RNF207: variants seen among roughly 807,000 people sequenced by gnomAD.
RNF207 encodes OTTHUMG00000001089.
A neutral mutation model predicts 79.0 loss-of-function variants in RNF207; 72 were observed. The observed-to-expected ratio is 0.91, with a 90% CI of 0.75 to 1.11. RNF207 has a LOEUF of 1.11. Ranked by LOEUF, RNF207 falls within the 50% of genes least tolerant of loss-of-function variation. The pLI, the probability that RNF207 is intolerant of heterozygous loss-of-function variation, is 0.00. For missense variants in RNF207, 936 were observed against 855.8 expected, an observed-to-expected ratio of 1.09 and a Z score of -1.17; for synonymous variants, 348 against 366.2, an observed-to-expected ratio of 0.95 and a Z score of 0.57.
At chr1:6,218,426 A>G (rs1444546684) in intron 17 of RNF207, 57 bp downstream of exon 17, 2 of 1,275,280 alleles carry the variant, frequency 1.6e-6, no homozygotes, top group African/African-American at 1.5e-5. Flanking sequence ...TGAGGCCAAC[A>G]GGACGACAAA....
Position 6,207,872 on chromosome 1 carries a change from G to A in RNF207, c.324+361G>A, listed in dbSNP as rs1267077880. On this transcript the variant is annotated intron_variant, in intron 3 of 17. Transcript: ENST00000377939. The surrounding 1 kb of genome is among the most constrained non-coding windows in gnomAD (Gnocchi z 4.5). The stretch of plus-strand genomic sequence containing the variant: ...CTGCTACCCAAGTGGCATAGAAGCA[G>A]CTACAGCCCAGGGGAGGTGGGGACA... 4 of 438,198 alleles carry A rather than the reference G, an allele frequency of 9.1e-6. No homozygotes were observed. Among genetic ancestry groups the A allele is most frequent in the Admixed American group, 2.9e-5 (1 of 34,364 alleles). 27.1% of individuals were successfully genotyped at this position (438,198 alleles called of 1,614,324 possible).
Position 6,207,325 on chromosome 1 carries a change from T to C in RNF207, c.192-54T>C. The C allele has an allele frequency of 2.0e-6, 3 of 1,482,800 alleles. No individual in the cohort carries two copies. The highest frequency in any genetic ancestry group is 1.4e-5 in the South Asian group (1 of 71,676). 91.9% of individuals were successfully genotyped at this position (1,482,800 alleles called of 1,614,324 possible). On this transcript the variant is annotated intron_variant, in intron 2 of 17. Coordinates refer to ENST00000377939, the MANE Select transcript of RNF207 (RefSeq NM_207396.3). This position sits in a 1 kb window ranked among gnomAD's most constrained non-coding sequence, Gnocchi z 4.5. ...CAGCCTGGAATGTGAGGGGTGGGGG[T>C]GGGGAGCCCTGGGGAAGGGGTATCA...
At position 6,207,903 on chromosome 1, in the gene RNF207, C is replaced by CTGT. The variant is rs1421483367; in HGVS notation, c.324+394_324+396dup. ...GCCCAGGGGAGGTGGGGACAGCATG[C>CTGT]TGTTCCCTCTGGGCTGTAAAAGGCA... On this transcript the variant is annotated intron_variant, in intron 3 of 17. Coordinates refer to ENST00000377939, the MANE Select transcript of RNF207 (RefSeq NM_207396.3). The surrounding 1 kb of genome is among the most constrained non-coding windows in gnomAD (Gnocchi z 4.5). 2.6e-6 allele frequency: 1 copy of CTGT among 383,832 alleles called. No homozygotes were observed. The highest frequency in any genetic ancestry group is 2.0e-5 in the South Asian group (1 of 49,312). The allele number at this position is 383,832 out of a possible 1,614,324, so 23.8% of individuals were successfully genotyped here.
At chr1:6,208,830 C>T (rs1668021288) in intron 3 of RNF207, 51 bp from the exon 4 acceptor site, 2 of 1,486,394 alleles carry the variant, frequency 1.3e-6, no homozygotes, top group Non-Finnish European at 1.8e-6. Context: ...GCGGTTCCCG[C>T]GCTGGCCGCG....
chr1:6,218,751 C>T lies in RNF207; in HGVS notation c.1733+382C>T, dbSNP rs539818502. ...CGCCCCAGTACCTGCCAGAGGAAGACGGCTGTGCATTAACACCTACGACAC... is the reference window on the plus strand; with the variant it reads ...CGCCCCAGTACCTGCCAGAGGAAGATGGCTGTGCATTAACACCTACGACAC... On this transcript the variant is annotated intron_variant, in intron 17 of 17. Coordinates refer to ENST00000377939, the MANE Select transcript of RNF207 (RefSeq NM_207396.3). 5.9e-5 allele frequency among the ~76,000 whole-genome samples: 9 copies of T among 152,292 alleles called. No homozygotes were observed. The South Asian group carries it at 1.2e-3, about 21-fold the overall frequency.
In RNF207 at chr1:6,220,487, A is replaced by G. The variant is rs1334093970; in HGVS notation, c.*1080A>G. On this transcript the variant is annotated 3_prime_UTR_variant, in exon 18 of 18. Transcript: ENST00000377939. ...CACTGTTAACCTGGTGCTACTGGGA[A>G]GTTCCACACAGTAATCTGAGCAGTG... 6.6e-6 allele frequency: 1 copy of G among 152,248 alleles called. No homozygotes were observed. Among genetic ancestry groups the G allele is most frequent in the Non-Finnish European group, 1.5e-5 (1 of 68,042 alleles). The allele number at this position is 152,248 out of a possible 1,614,324, so 9.4% of individuals were successfully genotyped here.
Position 6,207,191 on chromosome 1 carries a change from G to A in RNF207, c.192-188G>A, listed in dbSNP as rs1348661373. ...ACCCCACTGTCTGCAGGAGTGCCCA[G>A]GACTGGGCAAGGGTAGGGACCAGGG... On this transcript the variant is annotated intron_variant, in intron 2 of 17. Coordinates refer to ENST00000377939, the MANE Select transcript of RNF207 (RefSeq NM_207396.3). This position sits in a 1 kb window ranked among gnomAD's most constrained non-coding sequence, Gnocchi z 4.5. Among the ~76,000 whole-genome samples the A allele has an allele frequency of 6.6e-6, 1 of 152,198 alleles. No homozygotes were observed. Among genetic ancestry groups the A allele is most frequent in the Non-Finnish European group, 1.5e-5 (1 of 68,030 alleles).
intron 3 of RNF207, 28 bp from the exon 4 acceptor site, chr1:6,208,853 C>A (rs770964572): frequency 2.0e-6 from 3 of 1,517,002 alleles, no homozygotes; most frequent in Admixed American, 4.1e-5. Context: ...CGGGCTCTGG[C>A]GCTCCTGAGC....
Position 6,210,656 on chromosome 1 carries a change from G to A in RNF207, c.943-214G>A, listed in dbSNP as rs984484032. 3.3e-5 allele frequency: 21 copies of A among 637,248 alleles called. No homozygotes were observed. The African/African-American group carries it at 3.6e-4, about 11-fold the overall frequency. The allele number at this position is 637,248 out of a possible 1,614,324, so 39.5% of individuals were successfully genotyped here. ...GGGGCATGAGCCTACAGTCCCCCGT[G>A]GGGCGGAGTGACCACTGGAGTCCAG... On this transcript the variant is annotated intron_variant, in intron 10 of 17. Transcript: ENST00000377939.
intron 16 of RNF207, among the ~76,000 whole-genome samples, chr1:6,214,630 C>CTTTTTTTTTTTTTTTTTTTTTTTTT (rs144139448): frequency 1.4e-5 from 1 of 70,660 alleles, no homozygotes; most frequent in Non-Finnish European, 2.6e-5. Flanking sequence ...ATATTTCTTT[C>CTTTTTTTTTTTTTTTTTTTTTTTTT]TTTTTTTTTT....
At chr1:6,210,798 C>A in intron 10 of RNF207, 72 bp from the exon 11 acceptor site, 10 of 1,345,350 alleles carry the variant, frequency 7.4e-6, no homozygotes, top group Non-Finnish European at 1.0e-5. Flanking sequence ...ACGTGCTCCG[C>A]CTCCATCTCC....
intron 16 of RNF207, among the ~76,000 whole-genome samples, chr1:6,214,683 G>A (rs917397648): frequency 7.4e-6 from 1 of 134,352 alleles, no homozygotes; most frequent in South Asian, 2.3e-4. Context: ...TTACCAGGCT[G>A]GAGTGCAGTG....
At position 6,210,220 on chromosome 1, in the gene RNF207, C is replaced by T; in HGVS notation, c.801-3C>T. On this transcript the variant is annotated splice_region_variant and splice_polypyrimidine_tract_variant and intron_variant, in intron 8 of 17. Coordinates refer to ENST00000377939, the MANE Select transcript of RNF207 (RefSeq NM_207396.3). The stretch of plus-strand genomic sequence containing the variant: ...TGGAAACCAGGCAGCCCCCCTCCCC[C>T]AGCCAATACGAAGAGAAGGACAAGG... 6.2e-7 allele frequency: 1 copy of T among 1,613,082 alleles called. No homozygotes were observed. Among genetic ancestry groups the T allele is most frequent in the East Asian group, 2.2e-5 (1 of 44,880 alleles).
intron 16 of RNF207, among the ~76,000 whole-genome samples, chr1:6,215,029 T>G (rs1668314692): frequency 6.6e-6 from 1 of 150,636 alleles, no homozygotes. Flanking sequence ...TTCTGTCCTA[T>G]TTCCCTTTTT....
chr1:6,210,683 C>T (rs1036122903), intron 10 of RNF207, 187 bp from the exon 11 acceptor site: 6 of 660,570 alleles, frequency 9.1e-6, no homozygotes, highest in South Asian at 5.3e-5. Context: ...GGAGTCCAGC[C>T]GCCCCCTCTC....
chr1:6,211,238 C>G lies in RNF207; in HGVS notation c.1109+120C>G, dbSNP rs1184531016. On this transcript the variant is annotated intron_variant, in intron 12 of 17. Coordinates refer to ENST00000377939, the MANE Select transcript of RNF207 (RefSeq NM_207396.3). The surrounding 1 kb of genome is among the most constrained non-coding windows in gnomAD (Gnocchi z 4.2). ...AGGTGCCACCATTCCTTCCTCCGTC[C>G]TTAGCTCGCCACCCTCCCAGCAGGG... 2.9e-6 allele frequency: 2 copies of G among 679,068 alleles called. No homozygotes were observed. The highest frequency in any genetic ancestry group is 5.2e-5 in the Admixed American group (2 of 38,788). 42.1% of individuals were successfully genotyped at this position (679,068 alleles called of 1,614,324 possible). A position where few individuals can be genotyped will look rare whatever the true frequency, so the allele number is the denominator to read the frequency against.
At chr1:6,215,217 A>G (rs147299295) in intron 16 of RNF207, among the ~76,000 whole-genome samples, 22,394 of 151,634 alleles carry the variant, frequency 0.15, 3,711 homozygotes, top group African/African-American at 0.41. Flanking sequence ...TAGTAGAGAC[A>G]GGGTTTCTCC....
chr1:6,218,028 C>G (rs1407190665), intron 16 of RNF207, among the ~76,000 whole-genome samples: 1 of 152,264 alleles, frequency 6.6e-6, no homozygotes, highest in Non-Finnish European at 1.5e-5. Flanking sequence ...CGCCCTGCAC[C>G]ACACACCCTT....
chr1:6,209,671 G>T, intron 7 of RNF207, 132 bp downstream of exon 7: 1 of 1,193,186 alleles, frequency 8.4e-7, no homozygotes, highest in Non-Finnish European at 1.1e-6. Context: ...GGAGTTGCTA[G>T]GAGAGCTGGG....
Sources: gnomAD v4.1 joint callset for allele counts (sites outside exome capture counted in the v4.1 genomes callset) on GRCh38, gnomAD v4.1.1 for gene constraint, Gnocchi (gnomAD v3.1) non-coding constraint, MANE v1.5 for transcripts, NCBI Gene and HGNC (gene_info 2026-07-23, HGNC 2026-07-21) for gene names.